The following RASGRF2 variants were observed in gnomAD, a reference collection of about 807,000 sequenced individuals.
RASGRF2 encodes Ras protein specific guanine nucleotide releasing factor 2.
Under a neutral mutation model 151.0 loss-of-function variants are expected in RASGRF2, and 76 were observed. That is an observed-to-expected ratio of 0.50 (90% CI 0.42 to 0.61). The LOEUF (loss-of-function observed/expected upper bound fraction) is 0.61. Ranked by LOEUF, RASGRF2 falls within the 20% of genes least tolerant of loss-of-function variation. The pLI, the probability that RASGRF2 is intolerant of heterozygous loss-of-function variation, is 0.00. For synonymous variants in RASGRF2, 504 were observed against 566.5 expected (o/e 0.89, Z 1.57); for missense variants, 1,148 against 1,564.6 (o/e 0.73, Z 4.49).
chr5:81,158,619 C>G (rs1754314582), intron 17 of RASGRF2, among the ~76,000 whole-genome samples: 1 of 151,504 alleles, frequency 6.6e-6, no homozygotes, highest in Admixed American at 6.6e-5. Context: ...AATAAGATAA[C>G]CTGAGAAAAA....
At chr5:81,026,393 T>G in intron 1 of RASGRF2, among the ~76,000 whole-genome samples, 1 of 152,068 alleles carries the variant, frequency 6.6e-6, no homozygotes, top group East Asian at 1.9e-4. Flanking sequence ...AAGGAGCCTT[T>G]TTGCCTCTTC....
intron 1 of RASGRF2, among the ~76,000 whole-genome samples, chr5:80,973,658 T>C (rs1223644440): frequency 2.0e-5 from 3 of 152,200 alleles, no homozygotes; most frequent in African/African-American, 7.2e-5. Context: ...CAGGACGGTA[T>C]CCTGAATTTT....
intron 18 of RASGRF2, among the ~76,000 whole-genome samples, chr5:81,187,636 G>C (rs1423956183): frequency 6.6e-6 from 1 of 152,222 alleles, no homozygotes; most frequent in Non-Finnish European, 1.5e-5. Context: ...GCATCCGTCT[G>C]CTCCACAGAA....
intron 1 of RASGRF2, among the ~76,000 whole-genome samples, chr5:81,031,561 A>G (rs931842098): frequency 6.6e-6 from 1 of 152,236 alleles, no homozygotes; most frequent in Non-Finnish European, 1.5e-5. Context: ...TGGGTACATA[A>G]CGAAATGAAG....
intron 17 of RASGRF2, among the ~76,000 whole-genome samples, chr5:81,134,079 C>CGTGCGTGT (rs1554036798): frequency 2.1e-5 from 3 of 143,814 alleles, no homozygotes; most frequent in African/African-American, 5.2e-5. Context: ...TGCTTGTGTG[C>CGTGCGTGT]GTGTGTGTGT....
chr5:80,985,880 G>C (rs1386995268), intron 1 of RASGRF2, among the ~76,000 whole-genome samples: 1 of 152,026 alleles, frequency 6.6e-6, no homozygotes, highest in Admixed American at 6.6e-5. Flanking sequence ...TTTTTGTTGT[G>C]GAAGATAAAT....
intron 17 of RASGRF2, among the ~76,000 whole-genome samples, chr5:81,169,936 A>T (rs1754609822): frequency 6.7e-6 from 1 of 148,446 alleles, no homozygotes; most frequent in South Asian, 2.1e-4. Context: ...CACCTGTACC[A>T]CCTGTATCAC....
chr5:81,131,785 A>G (rs1753627929), intron 17 of RASGRF2, among the ~76,000 whole-genome samples: 1 of 151,962 alleles, frequency 6.6e-6, no homozygotes, highest in Non-Finnish European at 1.5e-5. Flanking sequence ...ACTGCTATCC[A>G]GAGAATCCAT....
chr5:81,017,625 C>A (rs11950391), intron 1 of RASGRF2, among the ~76,000 whole-genome samples: 2,549 of 152,224 alleles, frequency 0.017, 88 homozygotes, highest in African/African-American at 0.058. Flanking sequence ...TACTGTGTAA[C>A]CATGATATGA....
At chr5:81,099,756 C>T (rs1212007254) in intron 12 of RASGRF2, among the ~76,000 whole-genome samples, 1 of 152,034 alleles carries the variant, frequency 6.6e-6, no homozygotes. Context: ...TTAACATTTT[C>T]TACTATTTCT....
In RASGRF2 at chr5:81,227,288, A is replaced by C. The variant is rs1331373397; in HGVS notation, c.*1518A>C. On this transcript the variant is annotated 3_prime_UTR_variant, in exon 27 of 27. Coordinates refer to ENST00000265080, the MANE Select transcript of RASGRF2 (RefSeq NM_006909.3). ...AGAGCTAGCATTGGTAATGCACCATAGAGGTAGAGAATGTACACTTTCTGC... is the reference window on the plus strand; with the variant it reads ...AGAGCTAGCATTGGTAATGCACCATCGAGGTAGAGAATGTACACTTTCTGC... 1 of 152,214 alleles carries C rather than the reference A, an allele frequency of 6.6e-6. No individual in the cohort carries two copies. Among genetic ancestry groups the C allele is most frequent in the African/African-American group, 2.4e-5 (1 of 41,452 alleles). 9.4% of individuals were successfully genotyped at this position (152,214 alleles called of 1,614,324 possible).
At chr5:81,079,052 G>A (rs577966475) in intron 5 of RASGRF2, among the ~76,000 whole-genome samples, 87 of 152,318 alleles carry the variant, frequency 5.7e-4, no homozygotes, top group African/African-American at 2.0e-3. Context: ...CTGACTTTCA[G>A]CCATAGGAAG....
intron 1 of RASGRF2, among the ~76,000 whole-genome samples, chr5:81,026,955 ATTGAGTAAATCCAAGAAT>A (rs1750057280): frequency 1.3e-5 from 2 of 152,224 alleles, no homozygotes; most frequent in African/African-American, 4.8e-5. Flanking sequence ...AATGAGTGGA[ATTGAGTAAATCCAAGAAT>A]TTGCACATAG....
chr5:81,028,875 G>A (rs1487202526), intron 1 of RASGRF2, among the ~76,000 whole-genome samples: 2 of 152,142 alleles, frequency 1.3e-5, no homozygotes, highest in African/African-American at 4.8e-5. Context: ...GAAGTGCAAG[G>A]GGTCGGGGAA....
chr5:81,150,852 T>C (rs1754118740), intron 17 of RASGRF2, among the ~76,000 whole-genome samples: 1 of 152,172 alleles, frequency 6.6e-6, no homozygotes, highest in Non-Finnish European at 1.5e-5. Context: ...ATAATGGTGT[T>C]CACCACAGAT....
chr5:80,994,296 G>A (rs1554083497), intron 1 of RASGRF2, among the ~76,000 whole-genome samples: 1 of 149,584 alleles, frequency 6.7e-6, no homozygotes, highest in Non-Finnish European at 1.5e-5. Flanking sequence ...AACCTGGGGG[G>A]CCGAGCTTGC....
intron 1 of RASGRF2, among the ~76,000 whole-genome samples, chr5:81,037,288 A>C (rs1417749996): frequency 2.0e-5 from 3 of 152,216 alleles, no homozygotes; most frequent in Non-Finnish European, 4.4e-5. Flanking sequence ...AAACTGTTAA[A>C]AAATATGTAT....
At chr5:81,171,321 G>A (rs13159681) in intron 17 of RASGRF2, among the ~76,000 whole-genome samples, 131,412 of 152,220 alleles carry the variant, frequency 0.86, 56,956 homozygotes, top group African/African-American at 0.93. Context: ...TTTAAAAATC[G>A]TTATTATTTT....
At chr5:81,085,076 C>G (rs1327517040) in intron 7 of RASGRF2, among the ~76,000 whole-genome samples, 1 of 152,170 alleles carries the variant, frequency 6.6e-6, no homozygotes, top group Non-Finnish European at 1.5e-5. Context: ...GCCTGGAGCA[C>G]CCAGTCTAAC....
Sources: allele counts gnomAD v4.1 joint callset (sites outside exome capture counted in the v4.1 genomes callset), GRCh38; gene constraint gnomAD v4.1.1; transcripts MANE v1.5; gene names NCBI Gene and HGNC (gene_info 2026-07-23, HGNC 2026-07-21).